Variants in RAD51B observed in about 807,000 individuals in gnomAD.
RAD51B encodes DNA repair protein RAD51 homolog 2.
Under a neutral mutation model 42.2 loss-of-function variants are expected in RAD51B, and 38 were observed. The ratio of observed to expected loss-of-function variants is 0.90; its 90% CI spans 0.70 to 1.18. The LOEUF (loss-of-function observed/expected upper bound fraction) is 1.18. RAD51B is among the 50% of genes most tolerant of loss of function. The pLI is 0.00. For synonymous variants in RAD51B, 154 were observed against 145.2 expected (o/e 1.06, Z -0.43); for missense variants, 373 against 400.7 (o/e 0.93, Z 0.59).
chr14:67,864,999 T>TTTTTTTTTATG lies in RAD51B; in HGVS notation c.316-3_316-2insTTTTTTTATGT. 8.0e-7 allele frequency: 1 copy of TTTTTTTTTATG among 1,256,502 alleles called. No individual in the cohort carries two copies. Among genetic ancestry groups the TTTTTTTTTATG allele is most frequent in the Non-Finnish European group, 1.0e-6 (1 of 987,698 alleles). 77.8% of individuals were successfully genotyped at this position (1,256,502 alleles called of 1,614,324 possible). On this transcript the variant is annotated splice_region_variant and splice_polypyrimidine_tract_variant and intron_variant, in intron 4 of 10. Transcript: ENST00000471583. ...TTTTTTTTTTTTTTTTTTTTTTTTTTTAGATTACAGGTCCACCAGGTTGTG... is the reference window on the plus strand; with the variant it reads ...TTTTTTTTTTTTTTTTTTTTTTTTTTTTTTTTTTATGTAGATTACAGGTCCACCAGGTTGTG...
At chr14:67,889,616 A>C (rs1395876115) in intron 7 of RAD51B, among the ~76,000 whole-genome samples, 3 of 119,814 alleles carry the variant, frequency 2.5e-5, no homozygotes, top group African/African-American at 3.8e-5. Context: ...AGTACTAGAA[A>C]ACCTCGTCTT....
intron 9 of RAD51B, among the ~76,000 whole-genome samples, chr14:68,413,458 C>T (rs1451952183): frequency 6.6e-6 from 1 of 152,116 alleles, no homozygotes; most frequent in African/African-American, 2.4e-5. Flanking sequence ...GACTTAAATG[C>T]CTTGGAATCA....
chr14:67,833,578 G>A (rs2140295401), intron 3 of RAD51B, among the ~76,000 whole-genome samples: 1 of 152,326 alleles, frequency 6.6e-6, no homozygotes, highest in South Asian at 2.1e-4. Context: ...AATGGGCAGG[G>A]AGTGTCTACA....
chr14:68,594,670 C>T lies in RAD51B; in HGVS notation c.*67C>T, dbSNP rs1890914609. ...TCTCAAACTCCTGGCTTCAAGAGAT[C>T]CACCCACCTCAGCCTCCCAAAGCGC... On this transcript the variant is annotated 3_prime_UTR_variant, in exon 11 of 11. Transcript: ENST00000487270. 2.0e-5 allele frequency: 26 copies of T among 1,276,978 alleles called. No individual in the cohort carries two copies. The South Asian group carries it at 3.3e-4, about 16-fold the overall frequency. The allele number at this position is 1,276,978 out of a possible 1,614,324, so 79.1% of individuals were successfully genotyped here.
At chr14:68,206,981 AG>A (rs1595552353) in intron 7 of RAD51B, among the ~76,000 whole-genome samples, 2 of 152,032 alleles carry the variant, frequency 1.3e-5, no homozygotes, top group East Asian at 3.9e-4. Context: ...TAGTAGAGAC[AG>A]GGTTTCACCC....
At chr14:68,558,830 G>A (rs538596082) in intron 10 of RAD51B, among the ~76,000 whole-genome samples, 2 of 152,206 alleles carry the variant, frequency 1.3e-5, no homozygotes, top group Non-Finnish European at 2.9e-5. Flanking sequence ...ACCAGGGTTA[G>A]GACTTCAGTG....
At chr14:68,440,498 A>G (rs2085258817) in intron 9 of RAD51B, among the ~76,000 whole-genome samples, 1 of 152,162 alleles carries the variant, frequency 6.6e-6, no homozygotes, top group Non-Finnish European at 1.5e-5. Context: ...TAATCCCAGC[A>G]CTCTGGGAGG....
At chr14:68,614,476 C>A (rs761725063), downstream of RAD51B, among the ~76,000 whole-genome samples, 1 of 152,124 alleles carries the variant, frequency 6.6e-6, no homozygotes, top group Admixed American at 6.5e-5. Context: ...ATTTTCATCA[C>A]CCCCAAAAGA....
intron 10 of RAD51B, among the ~76,000 whole-genome samples, chr14:68,536,797 C>G (rs996626362): frequency 2.0e-5 from 3 of 152,068 alleles, no homozygotes; most frequent in Non-Finnish European, 4.4e-5. Flanking sequence ...AAAATTGAGA[C>G]CCAGCCAGTC....
chr14:67,929,356 A>G (rs1250594722), intron 7 of RAD51B, among the ~76,000 whole-genome samples: 1 of 152,138 alleles, frequency 6.6e-6, no homozygotes, highest in Non-Finnish European at 1.5e-5. Context: ...CCCAGTGGTC[A>G]CTCAGGAGCA....
chr14:67,874,325 GAACCC>G (rs1404215885), intron 5 of RAD51B, among the ~76,000 whole-genome samples: 1 of 152,094 alleles, frequency 6.6e-6, no homozygotes, highest in Non-Finnish European at 1.5e-5. Flanking sequence ...CAGGTTTGTT[GAACCC>G]ACAGCCCGTG....
Position 68,322,065 on chromosome 14 carries a change from G to A in RAD51B, c.853+30085G>A, listed in dbSNP as rs182611136. Among the ~76,000 whole-genome samples the A allele has an allele frequency of 7.2e-5, 11 of 152,248 alleles. 1 individual carries two copies. In the East Asian group the frequency reaches 1.7e-3, roughly 24 times the overall value. Reference sequence around the variant, plus strand: ...CTGGGATTACAGCCATAGCCACTGCGCCCAACACAATGACTTAATATTTAT... The same window carrying A: ...CTGGGATTACAGCCATAGCCACTGCACCCAACACAATGACTTAATATTTAT... On this transcript the variant is annotated intron_variant, in intron 8 of 10. Transcript: ENST00000471583.
At chr14:68,465,940 C>CAAA (rs59348577) in intron 9 of RAD51B, among the ~76,000 whole-genome samples, 61 of 129,348 alleles carry the variant, frequency 4.7e-4, no homozygotes, top group East Asian at 1.7e-3. Context: ...GACTCTGTCT[C>CAAA]AAAAAAAAAA....
At chr14:68,551,700 C>T (rs1435666398) in intron 10 of RAD51B, among the ~76,000 whole-genome samples, 1 of 152,190 alleles carries the variant, frequency 6.6e-6, no homozygotes, top group Non-Finnish European at 1.5e-5. Context: ...ACAGTAGATG[C>T]TTATTTTAGA....
At chr14:67,981,788 T>A (rs2075097606) in intron 7 of RAD51B, among the ~76,000 whole-genome samples, 1 of 152,154 alleles carries the variant, frequency 6.6e-6, no homozygotes, top group Admixed American at 6.6e-5. Context: ...GATGGGTGGT[T>A]ACCTAGAGAT....
At chr14:68,150,445 ACATAGAATATTTCTC>A (rs2078353608) in intron 7 of RAD51B, among the ~76,000 whole-genome samples, 1 of 148,082 alleles carries the variant, frequency 6.8e-6, no homozygotes, top group Middle Eastern at 3.5e-3. Context: ...TTATCCATGA[ACATAGAATATTTCTC>A]CACTTATTTA....
At chr14:68,656,353 G>C (rs1892814936) in intron 11 of RAD51B, among the ~76,000 whole-genome samples, 1 of 152,136 alleles carries the variant, frequency 6.6e-6, no homozygotes, top group Admixed American at 6.5e-5. Flanking sequence ...AGAAACTCAA[G>C]TAAGATTTGT....
chr14:68,037,534 T>C (rs1401828593), intron 7 of RAD51B, among the ~76,000 whole-genome samples: 1 of 152,072 alleles, frequency 6.6e-6, no homozygotes, highest in Non-Finnish European at 1.5e-5. Context: ...TTTCTTTTTT[T>C]AAAGGGCTGC....
chr14:68,369,552 T>A (rs2083209848), intron 8 of RAD51B, among the ~76,000 whole-genome samples: 1 of 152,244 alleles, frequency 6.6e-6, no homozygotes. Flanking sequence ...ACGTGTTTGC[T>A]GCTTGGCTTT....
Sources: allele counts gnomAD v4.1 joint callset (sites outside exome capture counted in the v4.1 genomes callset), GRCh38; gene constraint gnomAD v4.1.1; transcripts MANE v1.5; gene names NCBI Gene and HGNC (gene_info 2026-07-23, HGNC 2026-07-21).